Variants in SPIRE1 observed in about 807,000 individuals in gnomAD.
SPIRE1 encodes spire type actin nucleation factor 1.
A neutral mutation model predicts 94.1 loss-of-function variants in SPIRE1; 40 were observed. The ratio of observed to expected loss-of-function variants is 0.43; its 90% CI spans 0.33 to 0.55. The LOEUF is 0.55. SPIRE1 is among the 20% of genes least tolerant of loss of function. The pLI, the probability that SPIRE1 is intolerant of heterozygous loss-of-function variation, is 0.06. For synonymous variants in SPIRE1, 376 were observed against 371.7 expected (o/e 1.01, Z -0.13); for missense variants, 838 against 975.2 (o/e 0.86, Z 1.87).
chr18:12,465,207 CA>C lies in SPIRE1; in HGVS notation c.1405-250del, dbSNP rs530631199. Among the ~76,000 whole-genome samples the C allele has an allele frequency of 1.8e-3, 275 of 152,126 alleles. 1 individual carries two copies. The highest frequency in any genetic ancestry group is 6.4e-3 in the African/African-American group (265 of 41,494). On this transcript the variant is annotated intron_variant, in intron 10 of 16. Transcript: ENST00000409402. ...TTTCTGTTTTTTGGAGACAGGGTCT[CA>C]CTCTGTTGCTCTGGTAGCAGTGCAG...
At chr18:12,514,722 A>C (rs1016122227) in intron 4 of SPIRE1, among the ~76,000 whole-genome samples, 3 of 152,206 alleles carry the variant, frequency 2.0e-5, no homozygotes, top group African/African-American at 7.2e-5. Context: ...GCGGTATCTT[A>C]TCTGCCACAC....
intron 8 of SPIRE1, among the ~76,000 whole-genome samples, chr18:12,491,454 A>C (rs1483749554): frequency 6.6e-6 from 1 of 152,090 alleles, no homozygotes; most frequent in African/African-American, 2.4e-5. Context: ...GGAACAGAAC[A>C]AAGAGTCCAG....
chr18:12,483,985 T>C lies in SPIRE1; in HGVS notation c.1231+1974A>G, dbSNP rs549091471. On this transcript the variant is annotated intron_variant, in intron 9 of 16. Coordinates refer to ENST00000409402, the MANE Select transcript of SPIRE1 (RefSeq NM_001128626.2). ...GCAAATGATAAGCAGTGAAACCAAATAAAAATTCTCTGCTACCCTTTTACA... is the reference window on the plus strand; with the variant it reads ...GCAAATGATAAGCAGTGAAACCAAACAAAAATTCTCTGCTACCCTTTTACA... Among the ~76,000 whole-genome samples the C allele has an allele frequency of 3.9e-5, 6 of 152,292 alleles. No homozygotes were observed. In the East Asian group the frequency reaches 9.6e-4, roughly 24 times the overall value.
intron 2 of SPIRE1, among the ~76,000 whole-genome samples, chr18:12,555,328 T>G (rs912161448): frequency 2.6e-5 from 4 of 152,018 alleles, no homozygotes; most frequent in African/African-American, 9.7e-5. Flanking sequence ...AATTTTTTTT[T>G]GGATACTGAA....
intron 3 of SPIRE1, among the ~76,000 whole-genome samples, chr18:12,544,693 A>G (rs1303140515): frequency 6.6e-6 from 1 of 152,172 alleles, no homozygotes; most frequent in African/African-American, 2.4e-5. Flanking sequence ...TTTTCATATA[A>G]TGATAGCAAT....
chr18:12,539,467 TTA>T (rs2073908544), intron 3 of SPIRE1, among the ~76,000 whole-genome samples: 1 of 152,022 alleles, frequency 6.6e-6, no homozygotes, highest in Non-Finnish European at 1.5e-5. Context: ...CAGTTTTAGG[TTA>T]TGTCTTTATC....
intron 2 of SPIRE1, among the ~76,000 whole-genome samples, chr18:12,566,996 A>C (rs1211405295): frequency 1.3e-5 from 2 of 152,178 alleles, no homozygotes; most frequent in African/African-American, 2.4e-5. Context: ...TATACACCAC[A>C]ACCAAGTGGC....
chr18:12,650,828 G>A (rs112098233), intron 1 of SPIRE1, among the ~76,000 whole-genome samples: 2,573 of 144,148 alleles, frequency 0.018, 85 homozygotes, highest in African/African-American at 0.063. Flanking sequence ...GCAGTGAGCC[G>A]ATCAAACCAC....
At chr18:12,578,401 AC>A (rs1391543579) in intron 2 of SPIRE1, among the ~76,000 whole-genome samples, 3 of 152,186 alleles carry the variant, frequency 2.0e-5, no homozygotes, top group African/African-American at 7.2e-5. Context: ...CACACTCAAC[AC>A]AGATGAATCT....
intron 5 of SPIRE1, 39 bp downstream of exon 5, chr18:12,512,415 T>TA: frequency 1.4e-6 from 2 of 1,438,280 alleles, no homozygotes; most frequent in South Asian, 2.4e-5. Context: ...TACTATTTCT[T>TA]AGACAGTAAA....
chr18:12,587,558 C>T (rs1390465629), intron 2 of SPIRE1, among the ~76,000 whole-genome samples: 1 of 152,170 alleles, frequency 6.6e-6, no homozygotes, highest in African/African-American at 2.4e-5. Flanking sequence ...GCTGATTCAT[C>T]AAGGTGCCCA....
intron 2 of SPIRE1, among the ~76,000 whole-genome samples, chr18:12,628,086 T>C: frequency 6.6e-6 from 1 of 152,222 alleles, no homozygotes; most frequent in East Asian, 1.9e-4. Context: ...TTCTGGCTTT[T>C]GTTGCCATTG....
rs370900618 is a variant in SPIRE1 at position 12,486,078 on chromosome 18, G to A, written c.1190-78C>T. The A allele has an allele frequency of 5.5e-5, 62 of 1,133,700 alleles. No homozygotes were observed. In the African/African-American group the frequency reaches 6.3e-4, roughly 11 times the overall value. The allele number at this position is 1,133,700 out of a possible 1,614,324, so 70.2% of individuals were successfully genotyped here. ...ATACAGAGAGGACAAAAAAGGGAACGGATTAATGAAGACCCTTAGTGGCTA... is the reference window on the plus strand; with the variant it reads ...ATACAGAGAGGACAAAAAAGGGAACAGATTAATGAAGACCCTTAGTGGCTA... On this transcript the variant is annotated intron_variant, in intron 8 of 16. Transcript: ENST00000409402.
At chr18:12,619,472 A>C (rs9989496) in intron 2 of SPIRE1, among the ~76,000 whole-genome samples, 84,917 of 151,690 alleles carry the variant, frequency 0.56, 24,923 homozygotes, top group Middle Eastern at 0.76. Context: ...CGTGCCACTG[A>C]ACTCCAGCCT....
At chr18:12,464,993 A>G in intron 10 of SPIRE1, 35 bp from the exon 11 acceptor site, 1 of 1,584,792 alleles carries the variant, frequency 6.3e-7, no homozygotes, top group Non-Finnish European at 8.7e-7. Flanking sequence ...TCGACTTCTT[A>G]GACATTTGTG....
At chr18:12,507,924 A>G (rs1383259160) in intron 5 of SPIRE1, among the ~76,000 whole-genome samples, 1 of 151,904 alleles carries the variant, frequency 6.6e-6, no homozygotes, top group Non-Finnish European at 1.5e-5. Flanking sequence ...ATGTGGACAG[A>G]CCATGAGGTC....
intron 4 of SPIRE1, among the ~76,000 whole-genome samples, chr18:12,515,175 A>G (rs1231965964): frequency 6.6e-6 from 1 of 152,152 alleles, no homozygotes; most frequent in Non-Finnish European, 1.5e-5. Context: ...AGCTGAAATC[A>G]TGATGAATAA....
At chr18:12,602,130 A>G (rs768755147) in intron 2 of SPIRE1, among the ~76,000 whole-genome samples, 3 of 152,106 alleles carry the variant, frequency 2.0e-5, no homozygotes, top group Non-Finnish European at 4.4e-5. Flanking sequence ...AGACATATAC[A>G]CACACACATA....
At chr18:12,617,105 C>T (rs2037329796) in intron 2 of SPIRE1, among the ~76,000 whole-genome samples, 1 of 151,288 alleles carries the variant, frequency 6.6e-6, no homozygotes, top group Non-Finnish European at 1.5e-5. Context: ...AGTGATCCTC[C>T]AGCCTCGGCC....
Sources: allele counts gnomAD v4.1 joint callset (sites outside exome capture counted in the v4.1 genomes callset), GRCh38; gene constraint gnomAD v4.1.1; transcripts MANE v1.5; gene names NCBI Gene and HGNC (gene_info 2026-07-23, HGNC 2026-07-21).